The following DSCAM variants were observed in gnomAD, a reference collection of about 807,000 sequenced individuals.
DSCAM encodes the protein cell adhesion molecule DSCAM.
DSCAM carries 47 observed loss-of-function variants against 217.7 expected under a neutral mutation model. The ratio of observed to expected loss-of-function variants is 0.22; its 90% confidence interval spans 0.17 to 0.28. DSCAM has a LOEUF of 0.28. DSCAM is among the 10% of genes least tolerant of loss of function. DSCAM has a pLI of 1.00. For synonymous variants in DSCAM, 1,056 were observed against 1,015.3 expected (o/e 1.04, Z -0.76); for missense variants, 2,080 against 2,618.3 (o/e 0.79, Z 4.49).
intron 10 of DSCAM, among the ~76,000 whole-genome samples, chr21:40,279,207 A>T (rs1166909558): frequency 1.3e-5 from 2 of 152,248 alleles, no homozygotes; most frequent in African/African-American, 4.8e-5. Context: ...TATTTTATAA[A>T]GTGAGACTAA....
At chr21:40,707,056 T>G (rs1408120154) in intron 2 of DSCAM, among the ~76,000 whole-genome samples, 2 of 152,370 alleles carry the variant, frequency 1.3e-5, no homozygotes, top group East Asian at 3.9e-4. Flanking sequence ...CAATGAATTC[T>G]ATGACTAATT....
intron 3 of DSCAM, among the ~76,000 whole-genome samples, chr21:40,506,740 G>A (rs913866416): frequency 2.6e-5 from 4 of 152,250 alleles, no homozygotes; most frequent in East Asian, 1.9e-4. Flanking sequence ...AGGAAGAAGC[G>A]TTTTTAAAAC....
intron 11 of DSCAM, among the ~76,000 whole-genome samples, chr21:40,274,658 C>T (rs2123375767): frequency 6.6e-6 from 1 of 152,306 alleles, no homozygotes; most frequent in South Asian, 2.1e-4. Context: ...TTAAACAGTA[C>T]CACAATTCGT....
In DSCAM at chr21:40,573,254, C is replaced by T. The variant is rs559691082; in HGVS notation, c.508+119556G>A. Among the ~76,000 whole-genome samples the T allele has an allele frequency of 1.8e-4, 27 of 152,162 alleles. No individual in the cohort carries two copies. The South Asian group carries it at 4.6e-3, about 26-fold the overall frequency. On this transcript the variant is annotated intron_variant, in intron 3 of 32. Coordinates refer to ENST00000400454, the MANE Select transcript of DSCAM (RefSeq NM_001389.5). ...TCAGGAGGCTGAGGCAGGAGAATGG[C>T]GTGAACCCGGGAGGTGGAGCTTGCA... is the stretch of plus-strand genomic sequence containing the variant.
At chr21:40,247,527 C>G (rs2073242920) in intron 11 of DSCAM, among the ~76,000 whole-genome samples, 1 of 152,192 alleles carries the variant, frequency 6.6e-6, no homozygotes, top group African/African-American at 2.4e-5. Context: ...GCAGTCAAAT[C>G]TTAAAGTTCC....
intron 3 of DSCAM, among the ~76,000 whole-genome samples, chr21:40,515,238 G>A (rs2076290677): frequency 6.6e-6 from 1 of 152,040 alleles, no homozygotes; most frequent in Non-Finnish European, 1.5e-5. Flanking sequence ...AAGAGTTTTT[G>A]CCTAAAGCTA....
intron 1 of DSCAM, among the ~76,000 whole-genome samples, chr21:40,749,157 A>G (rs1295619498): frequency 6.6e-6 from 1 of 152,166 alleles, no homozygotes; most frequent in Non-Finnish European, 1.5e-5. Flanking sequence ...GCTTCATGGA[A>G]TGGAGCAAGG....
At chr21:40,602,937 CT>C (rs2146264308) in intron 3 of DSCAM, among the ~76,000 whole-genome samples, 1 of 135,744 alleles carries the variant, frequency 7.4e-6, no homozygotes, top group East Asian at 2.3e-4. Flanking sequence ...GATTTCAAAT[CT>C]TTTTTCTTTT....
chr21:40,463,704 C>T (rs1329544139), intron 3 of DSCAM, among the ~76,000 whole-genome samples: 1 of 152,176 alleles, frequency 6.6e-6, no homozygotes, highest in Non-Finnish European at 1.5e-5. Flanking sequence ...CATCCATGTG[C>T]AGGTCCAGAC....
chr21:40,690,385 C>A (rs1568986944), intron 3 of DSCAM, among the ~76,000 whole-genome samples: 2 of 152,190 alleles, frequency 1.3e-5, no homozygotes, highest in Non-Finnish European at 2.9e-5. Flanking sequence ...GTTGAACGAC[C>A]TGATATGAAG....
intron 3 of DSCAM, among the ~76,000 whole-genome samples, chr21:40,605,766 C>T (rs1270388360): frequency 8.2e-6 from 1 of 121,988 alleles, no homozygotes; most frequent in Non-Finnish European, 1.7e-5. Flanking sequence ...ATGTTCTTCA[C>T]TTATATATGT....
At position 40,055,937 on chromosome 21, in the gene DSCAM, A is replaced by G. The variant is rs935321275; in HGVS notation, c.4920-97T>C. ...TACCAACTTAGTTTATTGTCTAAATATACAAATACCTTGTGAGGAGGGGAA... is the reference window on the plus strand; with the variant it reads ...TACCAACTTAGTTTATTGTCTAAATGTACAAATACCTTGTGAGGAGGGGAA... On this transcript the variant is annotated intron_variant, in intron 28 of 32. Coordinates refer to ENST00000400454, the MANE Select transcript of DSCAM (RefSeq NM_001389.5). 7.2e-6 allele frequency: 6 copies of G among 835,682 alleles called. No individual in the cohort carries two copies. The African/African-American group carries it at 1.0e-4, about 14-fold the overall frequency. The allele number at this position is 835,682 out of a possible 1,614,324, so 51.8% of individuals were successfully genotyped here. A position where few individuals can be genotyped will look rare whatever the true frequency, so the allele number is the denominator to read the frequency against.
intron 11 of DSCAM, among the ~76,000 whole-genome samples, chr21:40,208,745 C>T (rs2091152216): frequency 6.6e-6 from 1 of 152,072 alleles, no homozygotes; most frequent in Admixed American, 6.5e-5. Context: ...TCCATTTAGC[C>T]CTACACAAAA....
chr21:40,070,959 G>A (rs1215405791), intron 27 of DSCAM, among the ~76,000 whole-genome samples: 4 of 152,128 alleles, frequency 2.6e-5, no homozygotes, highest in African/African-American at 9.7e-5. Flanking sequence ...TGCCACAAAA[G>A]CATGGTCAAA....
At chr21:40,769,090 G>C (rs982852080) in intron 1 of DSCAM, among the ~76,000 whole-genome samples, 14 of 149,474 alleles carry the variant, frequency 9.4e-5, no homozygotes, top group Non-Finnish European at 3.0e-5. Context: ...GACCTGAAAG[G>C]CTCATGGGGG....
At chr21:40,445,438 C>G (rs1290366947) in intron 3 of DSCAM, among the ~76,000 whole-genome samples, 1 of 152,122 alleles carries the variant, frequency 6.6e-6, no homozygotes, top group African/African-American at 2.4e-5. Context: ...TTTGTTATCC[C>G]AAATCACTTT....
At chr21:40,053,679 A>T (rs551002807) in intron 29 of DSCAM, among the ~76,000 whole-genome samples, 1 of 152,284 alleles carries the variant, frequency 6.6e-6, no homozygotes. Flanking sequence ...CCATCGACCC[A>T]TTGTCAGGCA....
intron 1 of DSCAM, among the ~76,000 whole-genome samples, chr21:40,842,552 T>A (rs747569813): frequency 6.6e-6 from 1 of 152,132 alleles, no homozygotes. Context: ...TCTACAGTGT[T>A]CACAGGTCTT....
At chr21:40,609,245 G>A (rs573357445) in intron 3 of DSCAM, among the ~76,000 whole-genome samples, 18 of 152,278 alleles carry the variant, frequency 1.2e-4, no homozygotes, top group South Asian at 2.1e-4. Context: ...ATGAGCCACC[G>A]CGCCCAGCCT....
Sources: gnomAD v4.1 joint callset for allele counts (sites outside exome capture counted in the v4.1 genomes callset) on GRCh38, gnomAD v4.1.1 for gene constraint, MANE v1.5 for transcripts, NCBI Gene and HGNC (gene_info 2026-07-23, HGNC 2026-07-21) for gene names.